The following SDK1 variants were observed in gnomAD, a reference collection of about 807,000 sequenced individuals.
The protein encoded by SDK1 is sidekick cell adhesion molecule 1, also known as protein sidekick-1.
In SDK1, 157 loss-of-function variants were observed where a neutral mutation model predicts 245.5. The ratio of observed to expected loss-of-function variants is 0.64; its 90% CI spans 0.56 to 0.73. The LOEUF (loss-of-function observed/expected upper bound fraction) is 0.73, where lower values mean the gene tolerates loss of function less well. SDK1 is among the 30% of genes least tolerant of loss of function. The pLI, the probability that SDK1 is intolerant of heterozygous loss-of-function variation, is 0.00. For missense variants in SDK1, 3,583 were observed against 3,002.3 expected (o/e 1.19, Z -4.52); for synonymous variants, 1,647 against 1,278.5 (o/e 1.29, Z -6.15).
At chr7:3,521,794 G>C (rs1420309349) in intron 1 of SDK1, among the ~76,000 whole-genome samples, 1 of 152,120 alleles carries the variant, frequency 6.6e-6, no homozygotes, top group African/African-American at 2.4e-5. Flanking sequence ...GAAGTAGTAA[G>C]GAATAAAATA....
chr7:3,362,097 C>T (rs186495974), intron 1 of SDK1, among the ~76,000 whole-genome samples: 2 of 152,108 alleles, frequency 1.3e-5, no homozygotes, highest in African/African-American at 4.8e-5. Context: ...GTGAAGGGAC[C>T]TAGTTCTTAT....
At chr7:4,010,429 G>A (rs1052476872) in intron 14 of SDK1, among the ~76,000 whole-genome samples, 7 of 152,172 alleles carry the variant, frequency 4.6e-5, no homozygotes, top group African/African-American at 1.2e-4. Context: ...ATTTCATTAC[G>A]CCTCTCTCCA....
chr7:3,877,460 C>G (rs1178104088), intron 5 of SDK1, among the ~76,000 whole-genome samples: 1 of 152,136 alleles, frequency 6.6e-6, no homozygotes, highest in African/African-American at 2.4e-5. Context: ...TTCAGTGTGC[C>G]CAGCTTGGAA....
intron 13 of SDK1, among the ~76,000 whole-genome samples, chr7:3,986,599 G>A (rs777724945): frequency 2.0e-5 from 3 of 152,142 alleles, no homozygotes; most frequent in African/African-American, 7.2e-5. Flanking sequence ...GGTGGCTCAC[G>A]CCTGTAATCC....
chr7:3,486,458 G>A (rs900208648), intron 1 of SDK1, among the ~76,000 whole-genome samples: 1 of 151,594 alleles, frequency 6.6e-6, no homozygotes, highest in Non-Finnish European at 1.5e-5. Flanking sequence ...GTTTGGTTTT[G>A]TTTTTACCCC....
intron 1 of SDK1, among the ~76,000 whole-genome samples, chr7:3,481,871 A>T (rs1342589070): frequency 6.6e-6 from 1 of 152,264 alleles, no homozygotes; most frequent in East Asian, 1.9e-4. Context: ...TTGATTGCAC[A>T]GTCTGTTTTC....
chr7:3,328,299 A>G, intron 1 of SDK1, among the ~76,000 whole-genome samples: 1 of 152,138 alleles, frequency 6.6e-6, no homozygotes, highest in Non-Finnish European at 1.5e-5. Flanking sequence ...AATATATCAT[A>G]AAACAGAATT....
intron 1 of SDK1, among the ~76,000 whole-genome samples, chr7:3,333,489 A>C (rs755339524): frequency 2.0e-5 from 3 of 151,996 alleles, no homozygotes; most frequent in African/African-American, 7.3e-5. Flanking sequence ...TGTGTCTCTC[A>C]TTATCTCTGA....
intron 1 of SDK1, among the ~76,000 whole-genome samples, chr7:3,608,989 A>G (rs1282494663): frequency 6.6e-6 from 1 of 152,228 alleles, no homozygotes; most frequent in Non-Finnish European, 1.5e-5. Flanking sequence ...AGGTGTGAGA[A>G]TCTAGTTGTC....
intron 1 of SDK1, chr7:3,338,358 G>A (rs779318721): frequency 5.8e-6 from 3 of 516,098 alleles, no homozygotes; most frequent in African/African-American, 3.9e-5. Context: ...AAACAAACAA[G>A]GTCAGGGCAC....
chr7:4,258,392 G>A (rs1024184294), intron 44 of SDK1, among the ~76,000 whole-genome samples: 3 of 152,150 alleles, frequency 2.0e-5, no homozygotes, highest in African/African-American at 4.8e-5. Flanking sequence ...AAGGGTCACC[G>A]AGTGGGTGCA....
intron 22 of SDK1, among the ~76,000 whole-genome samples, chr7:4,098,255 G>A (rs1782292938): frequency 1.3e-5 from 2 of 152,154 alleles, no homozygotes; most frequent in African/African-American, 4.8e-5. Flanking sequence ...ACTCAAGTGG[G>A]ACCAAAGGAA....
At chr7:3,715,542 A>T (rs1335333578) in intron 4 of SDK1, among the ~76,000 whole-genome samples, 1 of 152,218 alleles carries the variant, frequency 6.6e-6, no homozygotes, top group Non-Finnish European at 1.5e-5. Context: ...AGGCAATAGC[A>T]GGGATAGAGA....
At chr7:4,063,749 G>C (rs746368603) in intron 19 of SDK1, among the ~76,000 whole-genome samples, 9 of 151,950 alleles carry the variant, frequency 5.9e-5, no homozygotes, top group Non-Finnish European at 1.0e-4. Flanking sequence ...CAAAACCATG[G>C]CATGGTATTG....
At chr7:3,940,926 C>T (rs888484016) in intron 5 of SDK1, among the ~76,000 whole-genome samples, 1 of 152,122 alleles carries the variant, frequency 6.6e-6, no homozygotes, top group Non-Finnish European at 1.5e-5. Context: ...TGATCTCCTA[C>T]TTTCAATCAC....
At chr7:3,414,061 G>A (rs1459009142) in intron 1 of SDK1, among the ~76,000 whole-genome samples, 2 of 152,120 alleles carry the variant, frequency 1.3e-5, no homozygotes, top group African/African-American at 4.8e-5. Context: ...TTTTGGGCTG[G>A]GCTGTAGTGG....
intron 4 of SDK1, among the ~76,000 whole-genome samples, chr7:3,651,573 T>A (rs1783015418): frequency 6.6e-6 from 1 of 152,072 alleles, no homozygotes; most frequent in Admixed American, 6.6e-5. Flanking sequence ...GAGGACAGAG[T>A]AATCAATAGA....
intron 38 of SDK1, among the ~76,000 whole-genome samples, chr7:4,211,074 TATCCC>T (rs1382039196): frequency 1.3e-5 from 2 of 152,084 alleles, no homozygotes; most frequent in African/African-American, 2.4e-5. Context: ...GGCTATGGCA[TATCCC>T]ACTGGAGAGT....
At chr7:3,742,489 C>T (rs1019589599) in intron 4 of SDK1, among the ~76,000 whole-genome samples, 9 of 152,188 alleles carry the variant, frequency 5.9e-5, no homozygotes, top group African/African-American at 2.2e-4. Flanking sequence ...CCCTAGGAGC[C>T]AGCCATCATC....
Sources: gnomAD v4.1 joint callset for allele counts (sites outside exome capture counted in the v4.1 genomes callset) on GRCh38, gnomAD v4.1.1 for gene constraint, MANE v1.5 for transcripts, NCBI Gene and HGNC (gene_info 2026-07-23, HGNC 2026-07-21) for gene names.